OTUD7B: variants seen among roughly 807,000 people sequenced by gnomAD.
The protein encoded by OTUD7B is OTU deubiquitinase 7B, also known as OTU domain-containing protein 7B.
OTUD7B carries 34 observed loss-of-function variants against 82.2 expected under a neutral mutation model. The ratio of observed to expected loss-of-function variants is 0.41; its 90% confidence interval spans 0.31 to 0.55. The LOEUF is 0.55. Ranked by LOEUF, OTUD7B falls within the 20% of genes least tolerant of loss-of-function variation. The probability of loss-of-function intolerance (pLI) is 0.20; values close to 1 mark genes in which losing one functional copy is unlikely to be tolerated. For missense variants in OTUD7B, 944 were observed against 1,062.1 expected (o/e 0.89, Z 1.55); for synonymous variants, 398 against 402.7 (o/e 0.99, Z 0.14).
chr1:149,964,254 AGC>A lies in OTUD7B; in HGVS notation c.698_699del (p.Arg233LeufsTer10). On this transcript the variant is annotated frameshift_variant, in exon 6 of 12. Transcript: ENST00000581312. LOFTEE classifies it high-confidence loss of function. ...TTCTGCTGTGTCTGCTGCCACCTCC[AGC>A]GCCTTTTCAACGCTTCCTTCTCAAC... ...KGVEKEALKRRWRWQQTQQNK... is the reference protein window; with the variant it reads ...KGVEKEALKRXWRWQQTQQNK... The A allele has an allele frequency of 6.2e-7, 1 of 1,613,710 alleles. No homozygotes were observed.
chr1:150,056,542 G>A, the OTUD7B span, among the ~76,000 whole-genome samples: 2 of 152,086 alleles, frequency 1.3e-5, no homozygotes, highest in African/African-American at 4.8e-5. Context: ...TCAATCTGAG[G>A]TAGGCGTTAT....
chr1:149,938,218 T>G lies in OTUD7B; in HGVS notation c.*5639A>C, dbSNP rs369285980. On this transcript the variant is annotated 3_prime_UTR_variant, in exon 12 of 12. Coordinates refer to ENST00000581312, the MANE Select transcript of OTUD7B (RefSeq NM_020205.4). The stretch of plus-strand genomic sequence containing the variant: ...GCTCACGCCTGTAATCCCAAGCATT[T>G]TGGAAGGCCAAGGCAGGCAGATTAC... 1.6e-4 allele frequency: 24 copies of G among 152,100 alleles called. No individual in the cohort carries two copies. Among genetic ancestry groups the G allele is most frequent in the African/African-American group, 5.5e-4 (23 of 41,466 alleles). 9.4% of individuals were successfully genotyped at this position (152,100 alleles called of 1,614,324 possible).
chr1:150,039,154 A>G, the OTUD7B span, among the ~76,000 whole-genome samples: 335 of 152,174 alleles, frequency 2.2e-3, 1 homozygote, highest in African/African-American at 7.7e-3. Context: ...CCTATATGCT[A>G]TTCATTGCTC....
At chr1:149,965,949 A>G in intron 4 of OTUD7B, 71 bp from the exon 5 acceptor site, 1 of 1,290,302 alleles carries the variant, frequency 7.8e-7, no homozygotes, top group Non-Finnish European at 1.1e-6. Flanking sequence ...TTTCTGAAAC[A>G]GACTCCAAAG....
the OTUD7B span, among the ~76,000 whole-genome samples, chr1:150,053,003 G>A: frequency 1.3e-5 from 2 of 152,042 alleles, no homozygotes; most frequent in Non-Finnish European, 2.9e-5. Flanking sequence ...GATTGAAACT[G>A]GACTCCTTCT....
At chr1:150,025,982 C>G in the OTUD7B span, among the ~76,000 whole-genome samples, 1 of 152,128 alleles carries the variant, frequency 6.6e-6, no homozygotes, top group Non-Finnish European at 1.5e-5. Flanking sequence ...GCTTGAATGG[C>G]CTTGAGTGAG....
At chr1:149,987,269 G>A (rs1195670025) in intron 1 of OTUD7B, among the ~76,000 whole-genome samples, 1 of 152,194 alleles carries the variant, frequency 6.6e-6, no homozygotes, top group Non-Finnish European at 1.5e-5. Context: ...ATTTTGTCCA[G>A]GGAGGAGGAC....
the OTUD7B span, among the ~76,000 whole-genome samples, chr1:150,048,944 T>G: frequency 1.3e-5 from 2 of 152,122 alleles, no homozygotes; most frequent in African/African-American, 4.8e-5. Flanking sequence ...GCAATTCTCC[T>G]GCCTCCGCCT....
the OTUD7B span, among the ~76,000 whole-genome samples, chr1:150,018,022 C>T: frequency 2.5e-3 from 376 of 152,172 alleles, 1 homozygote; most frequent in African/African-American, 8.8e-3. Context: ...GGTCTATGGA[C>T]GAGCCTGCAA....
intron 1 of OTUD7B, among the ~76,000 whole-genome samples, chr1:149,981,579 T>C (rs1397860321): frequency 1.3e-5 from 2 of 152,062 alleles, no homozygotes; most frequent in African/African-American, 4.8e-5. Context: ...TAAACATTTG[T>C]TGTAGATCAG....
At chr1:149,964,757 C>G (rs1193554300) in intron 5 of OTUD7B, among the ~76,000 whole-genome samples, 1 of 151,608 alleles carries the variant, frequency 6.6e-6, no homozygotes, top group African/African-American at 2.4e-5. Context: ...CCATATCAGG[C>G]TAATTTTTGT....
rs1233920078 is a variant in OTUD7B at position 149,964,175 on chromosome 1, G to T, written c.732+47C>A. 4 of 1,601,494 alleles carry T rather than the reference G, an allele frequency of 2.5e-6. No homozygotes were observed. In the African/African-American group the frequency reaches 4.0e-5, roughly 16 times the overall value. ...TGGCAGGCACCCAGTGACTTTGGCA[G>T]CTTGGTAACTTTAGGAAACAAGGCG... On this transcript the variant is annotated intron_variant, in intron 6 of 11. Coordinates refer to ENST00000581312, the MANE Select transcript of OTUD7B (RefSeq NM_020205.4).
At chr1:150,037,344 G>A in the OTUD7B span, among the ~76,000 whole-genome samples, 1 of 150,004 alleles carries the variant, frequency 6.7e-6, no homozygotes, top group African/African-American at 2.5e-5. Flanking sequence ...CATTTGCCTT[G>A]TATAAACCCC....
the OTUD7B span, among the ~76,000 whole-genome samples, chr1:150,052,816 C>CAA: frequency 0.28 from 2,553 of 9,056 alleles, 53 homozygotes; most frequent in African/African-American, 0.42. Flanking sequence ...CAAACGAAAA[C>CAA]AAAAAACAAA....
chr1:149,982,981 G>A (rs1241774741), intron 1 of OTUD7B, among the ~76,000 whole-genome samples: 2 of 151,566 alleles, frequency 1.3e-5, no homozygotes, highest in Admixed American at 6.6e-5. Context: ...CGAGTAGCTG[G>A]GAAGCTGGGA....
the OTUD7B span, chr1:150,047,620 A>G: frequency 6.6e-6 from 1 of 152,162 alleles, no homozygotes; most frequent in Admixed American, 6.5e-5. Flanking sequence ...CTACATGCCT[A>G]TGTAGGTGAC....
At chr1:150,058,187 G>GGAAC in the OTUD7B span, among the ~76,000 whole-genome samples, 2 of 152,130 alleles carry the variant, frequency 1.3e-5, no homozygotes, top group African/African-American at 4.8e-5. Flanking sequence ...TGTGGTCCAT[G>GGAAC]GAACGCCAGC....
At chr1:149,953,954 A>G (rs587640502) in intron 7 of OTUD7B, among the ~76,000 whole-genome samples, 2,352 of 152,272 alleles carry the variant, frequency 0.015, 50 homozygotes, top group African/African-American at 0.05. Context: ...GGGCTAAGAC[A>G]GTGGGGTTTT....
At position 149,944,968 on chromosome 1, in the gene OTUD7B, C is replaced by T. The variant is rs1454122623; in HGVS notation, c.1421G>A (p.Ser474Asn). The part of the protein sequence containing the change: ...SGDSDKESVG[S>N]SSTSNEGGRR... ...GCCGCCCTCGTTGCTGGTGGAACTG[C>T]TGCCAACTGACTCCTTGTCTGAGTC... The change falls in exon 12 of 12, where the codon AGC becomes AAC. Residue 474 changes from serine (S) to asparagine (N), a missense_variant. Around this residue, in one of 3 missense-constraint regions of OTUD7B, gnomAD observed 530 missense variants for 625.6 expected, o/e 0.85. Transcript: ENST00000581312. The T allele has an allele frequency of 6.2e-7, 1 of 1,614,118 alleles. No homozygotes were observed. The highest frequency in any genetic ancestry group is 8.5e-7 in the Non-Finnish European group (1 of 1,180,060).
Sources: allele counts gnomAD v4.1 joint callset (sites outside exome capture counted in the v4.1 genomes callset), GRCh38; gene constraint gnomAD v4.1.1; regional missense constraint gnomAD v4.1.1; transcripts MANE v1.5; gene names NCBI Gene and HGNC (gene_info 2026-07-23, HGNC 2026-07-21).